The following ABTB3 variants were observed in gnomAD, a reference collection of about 807,000 sequenced individuals.
The protein encoded by ABTB3 is ankyrin repeat- and BTB/POZ domain-containing protein 3.
the ABTB3 span, among the ~76,000 whole-genome samples, chr12:107,467,531 A>T: frequency 6.6e-6 from 1 of 152,180 alleles, no homozygotes; most frequent in African/African-American, 2.4e-5. Flanking sequence ...CTCTAGGCAG[A>T]AGCCACTTCG....
At chr12:107,643,358 G>A in the ABTB3 span, among the ~76,000 whole-genome samples, 10 of 134,474 alleles carry the variant, frequency 7.4e-5, no homozygotes, top group Non-Finnish European at 1.1e-4. Flanking sequence ...AGCCATAATC[G>A]CACCACTGCA....
At chr12:107,579,594 C>G in the ABTB3 span, among the ~76,000 whole-genome samples, 3 of 152,206 alleles carry the variant, frequency 2.0e-5, no homozygotes, top group Non-Finnish European at 4.4e-5. Flanking sequence ...GGAAAACTGG[C>G]ACCTGCCACC....
the ABTB3 span, among the ~76,000 whole-genome samples, chr12:107,503,382 T>C: frequency 2.0e-5 from 3 of 152,052 alleles, no homozygotes; most frequent in South Asian, 6.2e-4. Context: ...TCCCTAGGAA[T>C]TGGCTAACCT....
chr12:107,481,267 G>T, the ABTB3 span, among the ~76,000 whole-genome samples: 2 of 152,142 alleles, frequency 1.3e-5, no homozygotes, highest in African/African-American at 4.8e-5. Context: ...GAGGCTGAGG[G>T]CTAATGAGCC....
chr12:107,608,556 C>G, the ABTB3 span, among the ~76,000 whole-genome samples: 1 of 152,188 alleles, frequency 6.6e-6, no homozygotes, highest in Non-Finnish European at 1.5e-5. Context: ...CTTTTCTGCT[C>G]TCTCATCTCC....
the ABTB3 span, among the ~76,000 whole-genome samples, chr12:107,436,950 A>C: frequency 6.6e-6 from 1 of 151,876 alleles, no homozygotes; most frequent in Non-Finnish European, 1.5e-5. Context: ...CCGCTTCTGC[A>C]TCCCCCCCCG....
chr12:107,331,571 C>G, the ABTB3 span, among the ~76,000 whole-genome samples: 2 of 152,174 alleles, frequency 1.3e-5, no homozygotes, highest in African/African-American at 4.8e-5. Flanking sequence ...GCCTCCTCCA[C>G]CTGGTGCTGG....
chr12:107,394,872 G>A, the ABTB3 span, among the ~76,000 whole-genome samples: 1 of 152,188 alleles, frequency 6.6e-6, no homozygotes, highest in African/African-American at 2.4e-5. Flanking sequence ...CCCTCAGGGT[G>A]GCCTGTGACT....
At chr12:107,522,815 G>T in the ABTB3 span, among the ~76,000 whole-genome samples, 1 of 150,768 alleles carries the variant, frequency 6.6e-6, no homozygotes, top group Non-Finnish European at 1.5e-5. Flanking sequence ...GAAGGGAAGG[G>T]AAGGGAAGGG....
At chr12:107,525,343 A>G in the ABTB3 span, among the ~76,000 whole-genome samples, 2 of 150,836 alleles carry the variant, frequency 1.3e-5, no homozygotes, top group East Asian at 2.0e-4. Context: ...AAAAAAAAAA[A>G]AAAAAAAGAA....
the ABTB3 span, chr12:107,319,969 G>C: frequency 2.3e-5 from 36 of 1,580,098 alleles, no homozygotes; most frequent in Non-Finnish European, 2.9e-5. Flanking sequence ...TCCACGAGGC[G>C]CCCAAGTTCA....
chr12:107,500,283 C>A, the ABTB3 span, among the ~76,000 whole-genome samples: 1 of 152,208 alleles, frequency 6.6e-6, no homozygotes, highest in East Asian at 1.9e-4. Flanking sequence ...GTGGCAAGCA[C>A]CCTGCTGCCC....
chr12:107,455,993 G>A, the ABTB3 span, among the ~76,000 whole-genome samples: 2 of 152,190 alleles, frequency 1.3e-5, no homozygotes, highest in Non-Finnish European at 2.9e-5. Context: ...AAGCCACAAA[G>A]TCCAGCTCAG....
At chr12:107,648,346 A>G in the ABTB3 span, among the ~76,000 whole-genome samples, 2 of 146,342 alleles carry the variant, frequency 1.4e-5, no homozygotes, top group Non-Finnish European at 3.0e-5. Flanking sequence ...GCGCCACTGC[A>G]CTCCAGCCTG....
At chr12:107,527,783 G>C in the ABTB3 span, among the ~76,000 whole-genome samples, 29 of 152,060 alleles carry the variant, frequency 1.9e-4, no homozygotes, top group Non-Finnish European at 3.4e-4. Context: ...TGTACCTAAT[G>C]ACCTGGATTA....
At chr12:107,408,755 C>T in the ABTB3 span, among the ~76,000 whole-genome samples, 1 of 152,194 alleles carries the variant, frequency 6.6e-6, no homozygotes, top group Non-Finnish European at 1.5e-5. Flanking sequence ...CAGAGTCAGG[C>T]AGTCTGGGGT....
chr12:107,503,563 GC>G, the ABTB3 span, among the ~76,000 whole-genome samples: 5 of 151,860 alleles, frequency 3.3e-5, no homozygotes, highest in Non-Finnish European at 7.4e-5. Context: ...TTTGAGAACA[GC>G]CTGGACAACA....
At chr12:107,440,513 C>T in the ABTB3 span, among the ~76,000 whole-genome samples, 6 of 152,326 alleles carry the variant, frequency 3.9e-5, no homozygotes, top group African/African-American at 4.8e-5. Context: ...TTCTCTCTCT[C>T]GGCTCTTTCT....
At chr12:107,632,859 C>T in the ABTB3 span, among the ~76,000 whole-genome samples, 1 of 152,218 alleles carries the variant, frequency 6.6e-6, no homozygotes, top group Non-Finnish European at 1.5e-5. Flanking sequence ...TGGTGTCACA[C>T]TTAACTCCTA....
Sources: allele counts gnomAD v4.1 joint callset (sites outside exome capture counted in the v4.1 genomes callset), GRCh38; gene constraint gnomAD v4.1.1; transcripts MANE v1.5; gene names NCBI Gene and HGNC (gene_info 2026-07-23, HGNC 2026-07-21).